Variants in TMEM45A observed in about 807,000 individuals in gnomAD.
The protein encoded by TMEM45A is DNA polymerase-transactivated protein 4.
Under a neutral mutation model 32.0 loss-of-function variants are expected in TMEM45A, and 25 were observed. The ratio of observed to expected loss-of-function variants is 0.78; its 90% CI spans 0.57 to 1.09. TMEM45A has a LOEUF of 1.09. TMEM45A is among the 50% of genes least tolerant of loss of function. The pLI is 0.00. For missense variants in TMEM45A, 302 were observed against 325.0 expected, an observed-to-expected ratio of 0.93 and a Z score of 0.54; for synonymous variants, 122 against 114.8, an observed-to-expected ratio of 1.06 and a Z score of -0.40.
intron 1 of TMEM45A, among the ~76,000 whole-genome samples, chr3:100,541,799 G>C (rs1163409751): frequency 6.6e-6 from 1 of 152,148 alleles, no homozygotes; most frequent in Non-Finnish European, 1.5e-5. Flanking sequence ...CCAAAGTGGA[G>C]TTAATTTTTG....
rs551648927 is a variant in TMEM45A, at chr3:100,525,732, T to C, written c.-3-29477T>C. On this transcript the variant is annotated intron_variant, in intron 1 of 5. Transcript: ENST00000323523. ...AGTATTTCTTGAGATTCCCAAACAC[T>C]TGTGGTCAGCAATGGGGAGAAACAG... Among the ~76,000 whole-genome samples the C allele has an allele frequency of 4.6e-5, 7 of 152,254 alleles. No individual in the cohort carries two copies. In the South Asian group the frequency reaches 8.3e-4, roughly 18 times the overall value.
At chr3:100,508,598 G>A in intron 1 of TMEM45A, among the ~76,000 whole-genome samples, 1 of 152,094 alleles carries the variant, frequency 6.6e-6, no homozygotes, top group East Asian at 1.9e-4. Context: ...CATGGCATTG[G>A]TATAAAAACA....
At chr3:100,522,365 G>A (rs187457767) in intron 1 of TMEM45A, among the ~76,000 whole-genome samples, 68 of 152,226 alleles carry the variant, frequency 4.5e-4, no homozygotes, top group Non-Finnish European at 6.6e-4. Flanking sequence ...ACTTACTCTT[G>A]TGCATTTTGT....
chr3:100,577,056 C>T lies in TMEM45A; in HGVS notation c.*38C>T, dbSNP rs1706705892. 6.8e-7 allele frequency: 1 copy of T among 1,472,614 alleles called. No homozygotes were observed. Among genetic ancestry groups the T allele is most frequent in the Non-Finnish European group, 9.3e-7 (1 of 1,076,398 alleles). 91.2% of individuals were successfully genotyped at this position (1,472,614 alleles called of 1,614,324 possible). On this transcript the variant is annotated 3_prime_UTR_variant, in exon 6 of 6. Transcript: ENST00000323523. Reference sequence around the variant, plus strand: ...TCCAGTTTTTCTAGATAAACCTTTTCTTTTTTACATTGTTCTTGGTTTTGT... The same window carrying T: ...TCCAGTTTTTCTAGATAAACCTTTTTTTTTTTACATTGTTCTTGGTTTTGT...
intron 1 of TMEM45A, among the ~76,000 whole-genome samples, chr3:100,537,740 AG>A (rs2148962968): frequency 6.6e-6 from 1 of 152,376 alleles, no homozygotes; most frequent in Admixed American, 6.5e-5. Flanking sequence ...ACGTTCACAC[AG>A]GTGTCATTGT....
At chr3:100,545,633 T>C (rs1705967001) in intron 1 of TMEM45A, among the ~76,000 whole-genome samples, 1 of 152,220 alleles carries the variant, frequency 6.6e-6, no homozygotes, top group African/African-American at 2.4e-5. Flanking sequence ...CCAAATCCAG[T>C]CATATGCCTC....
In TMEM45A at chr3:100,555,349, C is replaced by T; in HGVS notation, c.138C>T (p.Phe46=). 2 of 1,613,910 alleles carry T rather than the reference C, an allele frequency of 1.2e-6. No homozygotes were observed. Among genetic ancestry groups the T allele is most frequent in the South Asian group, 1.1e-5 (1 of 91,056 alleles). Residue 46 remains phenylalanine, a synonymous_variant, in exon 2 of 6, where the codon TTC becomes TTT. Coordinates refer to ENST00000323523, the MANE Select transcript of TMEM45A (RefSeq NM_018004.3). ...GCTATCTTGGTTCCAAAACATTATTCTATCGATTGGAAATTTTGGAGGGAA... is the reference window on the plus strand; with the variant it reads ...GCTATCTTGGTTCCAAAACATTATTTTATCGATTGGAAATTTTGGAGGGAA... The part of the protein sequence containing the change: ...RTCYLGSKTL[F]YRLEILEGIT...
intron 2 of TMEM45A, 139 bp downstream of exon 2, chr3:100,555,540 C>A: frequency 4.7e-6 from 4 of 842,966 alleles, no homozygotes; most frequent in Non-Finnish European, 7.1e-6. Flanking sequence ...AACCATTTTG[C>A]AAATGATATG....
rs1216061663 is a variant in TMEM45A at position 100,513,181 on chromosome 3, A to C, written c.-4+20253A>C. Among the ~76,000 whole-genome samples the C allele has an allele frequency of 4.0e-5, 6 of 150,326 alleles. No homozygotes were observed. The East Asian group carries it at 1.2e-3, about 29-fold the overall frequency. On this transcript the variant is annotated intron_variant, in intron 1 of 5. Coordinates refer to ENST00000323523, the MANE Select transcript of TMEM45A (RefSeq NM_018004.3). ...GGCAGAGACACAACAAAAAAAGAGA[A>C]TTTTAGACCAATATCCTTGATGAAC... is the stretch of plus-strand genomic sequence containing the variant.
rs180777095 is a variant in TMEM45A, at chr3:100,561,492, C to T, written c.588+2903C>T. ...CACACATATAAATGATTGGGTAATA[C>T]GTAAATGGAGAGGGAATTTCCCTTC... On this transcript the variant is annotated intron_variant, in intron 4 of 5. Transcript: ENST00000323523. Among the ~76,000 whole-genome samples the T allele has an allele frequency of 1.6e-3, 244 of 152,216 alleles. 1 individual carries two copies. Among genetic ancestry groups the T allele is most frequent in the African/African-American group, 5.3e-3 (220 of 41,526 alleles).
intron 1 of TMEM45A, among the ~76,000 whole-genome samples, chr3:100,551,670 GATGA>G (rs1706106198): frequency 6.6e-6 from 1 of 152,210 alleles, no homozygotes; most frequent in South Asian, 2.1e-4. Context: ...AATGAAATAA[GATGA>G]ATGATGTTTT....
rs1442597837 is a variant in TMEM45A, at chr3:100,556,791, G to T, written c.222G>T (p.Gly74=). The T allele has an allele frequency of 1.2e-6, 2 of 1,613,858 alleles. No individual in the cohort carries two copies. The highest frequency in any genetic ancestry group is 2.7e-5 in the African/African-American group (2 of 75,030). ...CTGGGGAGCAGTTTATTCCTGGAGG[G>T]CCCCATCTGATGTTATATGACTATA... The part of the protein sequence containing the change: ...GMAGEQFIPG[G]PHLMLYDYKQ... Residue 74 remains glycine (G), a synonymous_variant, in exon 3 of 6, where the codon GGG becomes GGT. Transcript: ENST00000323523.
intron 1 of TMEM45A, among the ~76,000 whole-genome samples, chr3:100,539,877 T>G (rs1319759409): frequency 3.3e-5 from 5 of 152,176 alleles, no homozygotes; most frequent in African/African-American, 1.2e-4. Flanking sequence ...CCCAGTCAAA[T>G]TGACACATAA....
At chr3:100,567,492 TA>T (rs1156400415) in intron 4 of TMEM45A, among the ~76,000 whole-genome samples, 3 of 125,440 alleles carry the variant, frequency 2.4e-5, no homozygotes, top group Non-Finnish European at 4.7e-5. Context: ...CCATATGAGT[TA>T]CAGGATCAGC....
At chr3:100,530,654 A>G (rs1339027394) in intron 1 of TMEM45A, among the ~76,000 whole-genome samples, 1 of 152,194 alleles carries the variant, frequency 6.6e-6, no homozygotes, top group African/African-American at 2.4e-5. Context: ...TTTAGTATAT[A>G]TCTTTATAAA....
At chr3:100,551,276 G>A (rs1706096506) in intron 1 of TMEM45A, among the ~76,000 whole-genome samples, 2 of 152,138 alleles carry the variant, frequency 1.3e-5, no homozygotes, top group South Asian at 4.1e-4. Flanking sequence ...GCCTCCCAAA[G>A]TGCTGGGATT....
chr3:100,517,202 C>A (rs552593244), intron 1 of TMEM45A, among the ~76,000 whole-genome samples: 2 of 152,096 alleles, frequency 1.3e-5, no homozygotes, highest in African/African-American at 4.8e-5. Flanking sequence ...TTGCAACCTC[C>A]GCCTTCTGGG....
At chr3:100,508,562 C>T (rs769412430) in intron 1 of TMEM45A, among the ~76,000 whole-genome samples, 3 of 152,056 alleles carry the variant, frequency 2.0e-5, no homozygotes, top group East Asian at 1.9e-4. Flanking sequence ...TCAAAATATA[C>T]CACAGACCTA....
chr3:100,525,359 A>G (rs2148951538), intron 1 of TMEM45A, among the ~76,000 whole-genome samples: 2 of 152,356 alleles, frequency 1.3e-5, no homozygotes, highest in South Asian at 4.1e-4. Flanking sequence ...GTGGCTACTG[A>G]AAAATTAAAA....
Sources: gnomAD v4.1 joint callset for allele counts (sites outside exome capture counted in the v4.1 genomes callset) on GRCh38, gnomAD v4.1.1 for gene constraint, MANE v1.5 for transcripts, NCBI Gene and HGNC (gene_info 2026-07-23, HGNC 2026-07-21) for gene names.